The following TLCD3A variants were observed in gnomAD, a reference collection of about 807,000 sequenced individuals.
The protein encoded by TLCD3A is TLC domain-containing protein 3A.
A neutral mutation model predicts 29.9 loss-of-function variants in TLCD3A; 17 were observed. The ratio of observed to expected loss-of-function variants is 0.57; its 90% CI spans 0.39 to 0.85. The LOEUF (loss-of-function observed/expected upper bound fraction) is 0.85, where lower values mean the gene tolerates loss of function less well. Ranked by LOEUF, TLCD3A falls within the 40% of genes least tolerant of loss-of-function variation. The pLI is 0.00. For synonymous variants in TLCD3A, 143 were observed against 147.7 expected, an observed-to-expected ratio of 0.97 and a Z score of 0.23; for missense variants, 332 against 350.8, an observed-to-expected ratio of 0.95 and a Z score of 0.43.
chr17:741,196 G>T lies in TLCD3A; in HGVS notation c.505-105G>T, dbSNP rs1974247275. On this transcript the variant is annotated intron_variant, in intron 4 of 4. Transcript: ENST00000308278. ...AATCTGACAGCCAAGGTCTTGATGA[G>T]CACCTGCACCTGTGTGGCATTTACT... The T allele has an allele frequency of 3.4e-6, 4 of 1,163,678 alleles. No homozygotes were observed. In the South Asian group the frequency reaches 5.6e-5, roughly 16 times the overall value. 72.1% of individuals were successfully genotyped at this position (1,163,678 alleles called of 1,614,324 possible).
At chr17:739,019 T>A (rs1261200156) in intron 3 of TLCD3A, among the ~76,000 whole-genome samples, 1 of 152,126 alleles carries the variant, frequency 6.6e-6, no homozygotes, top group African/African-American at 2.4e-5. Context: ...TGTGGATTAT[T>A]CTTAGGTCAC....
intron 3 of TLCD3A, 150 bp downstream of exon 3, chr17:738,197 G>A (rs1974194957): frequency 3.1e-6 from 2 of 635,266 alleles, no homozygotes; most frequent in South Asian, 4.0e-5. Context: ...CCGGGTTCAA[G>A]CGATTCTCCT....
At chr17:740,654 GAATGA>G (rs1974236532) in intron 4 of TLCD3A, 54 bp downstream of exon 4, 1 of 1,522,606 alleles carries the variant, frequency 6.6e-7, no homozygotes, top group African/African-American at 1.4e-5. Context: ...AGGCATGTAT[GAATGA>G]AATGACAGAG....
chr17:736,587 C>T (rs990670727), intron 2 of TLCD3A, among the ~76,000 whole-genome samples: 2 of 152,298 alleles, frequency 1.3e-5, no homozygotes, highest in East Asian at 3.9e-4. Context: ...TAGCCTCTCT[C>T]CTGGTACCTA....
At position 741,652 on chromosome 17, in the gene TLCD3A, G is replaced by A. The variant is rs892878257; in HGVS notation, c.*82G>A. The A allele has an allele frequency of 2.2e-5, 33 of 1,518,846 alleles. No individual in the cohort carries two copies. The South Asian group carries it at 3.1e-4, about 14-fold the overall frequency. The allele number at this position is 1,518,846 out of a possible 1,614,324, so 94.1% of individuals were successfully genotyped here. A position where few individuals can be genotyped will look rare whatever the true frequency, so the allele number is the denominator to read the frequency against. On this transcript the variant is annotated 3_prime_UTR_variant, in exon 5 of 5. Transcript: ENST00000308278. ...CATGGACCAAATTGTGCCCTGGGTA[G>A]CCTCAGACTTTGGGTATTGATAAGC...
Position 741,551 on chromosome 17 carries a change from A to G in TLCD3A, c.755A>G (p.Gln252Arg), listed in dbSNP as rs756472797. 6.2e-6 allele frequency: 10 copies of G among 1,613,302 alleles called. No individual in the cohort carries two copies. The African/African-American group carries it at 8.0e-5, about 13-fold the overall frequency. The change falls in exon 5 of 5, where the codon CAA (glutamine) becomes CGA (arginine). Residue 252 changes from glutamine to arginine, a missense_variant. Transcript: ENST00000308278. ...GCAGTCCGGCTCTTTGACACTCCCC[A>G]AGCCAAAAAGGATGGCTAAATGCTC... is the stretch of plus-strand genomic sequence containing the variant. ...RKAVRLFDTP[Q>R]AKKDG
At chr17:739,945 C>T (rs568813169) in intron 3 of TLCD3A, among the ~76,000 whole-genome samples, 5 of 152,238 alleles carry the variant, frequency 3.3e-5, no homozygotes, top group Middle Eastern at 6.8e-3. Context: ...ACTCAGGAGC[C>T]TGAGGCAGGA....
rs75643816 is a variant in TLCD3A, at chr17:735,631, G to A, written c.207-2215G>A. Among the ~76,000 whole-genome samples, 286 of 152,192 alleles carry A rather than the reference G, an allele frequency of 1.9e-3. 7 individuals are homozygous for A. In the East Asian group the frequency reaches 0.046, roughly 24 times the overall value. ...CTTGAAGAAAGCACCTGAGACCATAGATGGGCATTGGAATAAGTATGGCAT... is the reference window on the plus strand; with the variant it reads ...CTTGAAGAAAGCACCTGAGACCATAAATGGGCATTGGAATAAGTATGGCAT... On this transcript the variant is annotated intron_variant, in intron 2 of 4. Transcript: ENST00000308278.
intron 1 of TLCD3A, 139 bp downstream of exon 1, chr17:732,908 T>G: frequency 3.7e-6 from 5 of 1,365,116 alleles, no homozygotes; most frequent in Non-Finnish European, 3.8e-6. Flanking sequence ...GGCCCGAGTT[T>G]CCGAAGCCCC....
intron 2 of TLCD3A, among the ~76,000 whole-genome samples, chr17:735,086 G>A (rs1351473954): frequency 1.3e-5 from 2 of 152,016 alleles, no homozygotes; most frequent in African/African-American, 4.8e-5. Context: ...GCAGTGGTGA[G>A]GTCTCGGCTC....
Position 737,945 on chromosome 17 carries a change from G to C in TLCD3A, c.306G>C (p.Gln102His), listed in dbSNP as rs765681677. 5.0e-6 allele frequency: 8 copies of C among 1,613,896 alleles called. No homozygotes were observed. The African/African-American group carries it at 1.1e-4, about 22-fold the overall frequency. Residue 102 changes from glutamine (Q) to histidine (H), a missense_variant, in exon 3 of 5, where the codon CAG (glutamine) becomes CAC (histidine). By Grantham distance (24) the Gln-to-His change is conservative. Coordinates refer to ENST00000308278, the MANE Select transcript of TLCD3A (RefSeq NM_024792.3). ...GTGAATGGTGCCGAACCAGAGACCA[G>C]AACCGTGCGCCCTCCCTCACTCTTC... ...YLCEWCRTRD[Q>H]NRAPSLTLRN... is the part of the protein sequence containing the mutation.
chr17:737,721 GTTTCAACATCTTTATTGTA>G (rs2144115826), intron 2 of TLCD3A, 106 bp from the exon 3 acceptor site: 1 of 972,796 alleles, frequency 1.0e-6, no homozygotes, highest in Non-Finnish European at 1.6e-6. Flanking sequence ...CTGTTTATCA[GTTTCAACATCTTTATTGTA>G]AAGTATTTGG....
chr17:737,798 A>G (rs753010442), intron 2 of TLCD3A, 48 bp from the exon 3 acceptor site: 3 of 1,542,160 alleles, frequency 1.9e-6, no homozygotes, highest in Non-Finnish European at 2.7e-6. Flanking sequence ...AGCCTTCATA[A>G]TGGATATCCA....
At position 740,488 on chromosome 17, in the gene TLCD3A, C is replaced by A; in HGVS notation, c.409-17C>A. On this transcript the variant is annotated splice_polypyrimidine_tract_variant and intron_variant, in intron 3 of 4. Transcript: ENST00000308278. ...TTAACCTCCACTTACTTCCCCTTTT[C>A]GTTTCGTCATCCGCAGAGGCTCCGG... 1 of 1,602,764 alleles carries A rather than the reference C, an allele frequency of 6.2e-7. No homozygotes were observed.
chr17:735,795 A>T (rs1410461634), intron 2 of TLCD3A, among the ~76,000 whole-genome samples: 3 of 151,174 alleles, frequency 2.0e-5, no homozygotes, highest in Non-Finnish European at 4.4e-5. Context: ...TGAAACCCCC[A>T]TCGCTACTTA....
At position 738,449 on chromosome 17, in the gene TLCD3A, T is replaced by C. The variant is rs572113530; in HGVS notation, c.408+402T>C. Among the ~76,000 whole-genome samples the C allele has an allele frequency of 5.9e-5, 9 of 152,082 alleles. No individual in the cohort carries two copies. In the South Asian group the frequency reaches 8.3e-4, roughly 14 times the overall value. On this transcript the variant is annotated intron_variant, in intron 3 of 4. Coordinates refer to ENST00000308278, the MANE Select transcript of TLCD3A (RefSeq NM_024792.3). ...GAGTCGGGATTGCCCCTCTTTTCTT[T>C]GCCACTCATAGGCACCCATTCTCCT...
chr17:736,505 A>T lies in TLCD3A; in HGVS notation c.207-1341A>T, dbSNP rs79670760. ...CTAATCTGCTCTAGGACGGTGATCA[A>T]CTATGATTTCCATTCAGCAAATACT... On this transcript the variant is annotated intron_variant, in intron 2 of 4. Transcript: ENST00000308278. Among the ~76,000 whole-genome samples, 498 of 152,330 alleles carry T rather than the reference A, an allele frequency of 3.3e-3. 2 individuals carry two copies. The highest frequency in any genetic ancestry group is 0.011 in the African/African-American group (473 of 41,562).
chr17:741,550 CA>C lies in TLCD3A; in HGVS notation c.756del (p.Ala253ProfsTer33). On this transcript the variant is annotated frameshift_variant, in exon 5 of 5. Coordinates refer to ENST00000308278, the MANE Select transcript of TLCD3A (RefSeq NM_024792.3). LOFTEE classifies it high-confidence loss of function. ...RKAVRLFDTPQAKKDG is the reference protein window; with the variant it reads ...RKAVRLFDTPXAKKDG Reference sequence around the variant, plus strand: ...GGCAGTCCGGCTCTTTGACACTCCCCAAGCCAAAAAGGATGGCTAAATGCTC... The same window carrying C: ...GGCAGTCCGGCTCTTTGACACTCCCCAGCCAAAAAGGATGGCTAAATGCTC... 2 of 1,613,528 alleles carry C rather than the reference CA, an allele frequency of 1.2e-6. No individual in the cohort carries two copies. Among genetic ancestry groups the C allele is most frequent in the Non-Finnish European group, 1.7e-6 (2 of 1,180,010 alleles).
intron 3 of TLCD3A, among the ~76,000 whole-genome samples, chr17:738,842 C>G (rs1044055421): frequency 3.9e-5 from 6 of 152,200 alleles, no homozygotes; most frequent in Non-Finnish European, 8.8e-5. Context: ...GCTGGGATTA[C>G]AGGCGCGAGC....
Sources: gnomAD v4.1 joint callset for allele counts (sites outside exome capture counted in the v4.1 genomes callset) on GRCh38, gnomAD v4.1.1 for gene constraint, MANE v1.5 for transcripts, NCBI Gene and HGNC (gene_info 2026-07-23, HGNC 2026-07-21) for gene names.